Variants in MACF1 observed in about 807,000 individuals in gnomAD.
MACF1 encodes microtubule-actin cross-linking factor 1.
A neutral mutation model predicts 854.8 loss-of-function variants in MACF1; 193 were observed. That is an observed-to-expected ratio of 0.23 (90% CI 0.20 to 0.25). The LOEUF is 0.25. MACF1 is among the 10% of genes least tolerant of loss of function. The probability of loss-of-function intolerance (pLI) is 1.00; values close to 1 mark genes in which losing one functional copy is unlikely to be tolerated. For missense variants in MACF1, 7,722 were observed against 8,929.1 expected, an observed-to-expected ratio of 0.86 and a Z score of 5.45; for synonymous variants, 3,185 against 3,226.7, an observed-to-expected ratio of 0.99 and a Z score of 0.44.
At chr1:39,209,945 C>T (rs759795350) in intron 1 of MACF1, among the ~76,000 whole-genome samples, 1 of 152,010 alleles carries the variant, frequency 6.6e-6, no homozygotes, top group East Asian at 1.9e-4. Context: ...AAAAAATTAG[C>T]TGGGTGTGGT....
At chr1:39,207,560 G>A (rs747382473) in intron 1 of MACF1, among the ~76,000 whole-genome samples, 1 of 152,040 alleles carries the variant, frequency 6.6e-6, no homozygotes, top group Non-Finnish European at 1.5e-5. Context: ...GATTATAGGT[G>A]TGAGCCACCG....
chr1:39,203,964 A>G (rs1311846871), upstream of MACF1, among the ~76,000 whole-genome samples: 1 of 152,020 alleles, frequency 6.6e-6, no homozygotes, highest in Non-Finnish European at 1.5e-5. Flanking sequence ...GATACCTAGG[A>G]GTGAGATTGC....
At chr1:39,377,091 A>G (rs1391295243) in intron 52 of MACF1, among the ~76,000 whole-genome samples, 1 of 151,792 alleles carries the variant, frequency 6.6e-6, no homozygotes, top group Non-Finnish European at 1.5e-5. Flanking sequence ...GCTCACTGCA[A>G]CCTCTGCCTC....
At chr1:39,097,490 G>A (rs969220926) in intron 2 of MACF1, among the ~76,000 whole-genome samples, 22 of 152,126 alleles carry the variant, frequency 1.4e-4, no homozygotes, top group African/African-American at 5.1e-4. Context: ...AGGAGGCCAA[G>A]GTGGGTGGAT....
In MACF1 at chr1:39,287,284, AG is replaced by A; in HGVS notation, c.1510del. On this transcript the variant is annotated splice_acceptor_variant, in intron 14 of 100. Transcript: ENST00000564288. LOFTEE classifies it high-confidence loss of function. ...TTCCTTTTTTCTCTTCTTCCATTTC[AG>A]GGTCATGCGTCTTCAGGATGAGCTG... 1 of 1,612,412 alleles carries A rather than the reference AG, an allele frequency of 6.2e-7. No homozygotes were observed. The highest frequency in any genetic ancestry group is 8.5e-7 in the Non-Finnish European group (1 of 1,178,684).
At chr1:39,346,615 G>C (rs1193902222) in intron 40 of MACF1, among the ~76,000 whole-genome samples, 2 of 151,212 alleles carry the variant, frequency 1.3e-5, no homozygotes, top group Admixed American at 1.3e-4. Context: ...TGCCTCCCGG[G>C]TTCACGCCAT....
At chr1:39,118,958 G>A (rs993490198) in intron 2 of MACF1, among the ~76,000 whole-genome samples, 1 of 152,074 alleles carries the variant, frequency 6.6e-6, no homozygotes, top group Non-Finnish European at 1.5e-5. Flanking sequence ...TGATGATATG[G>A]AAAGTTAAAT....
At chr1:39,289,667 CA>C in intron 15 of MACF1, among the ~76,000 whole-genome samples, 1 of 107,024 alleles carries the variant, frequency 9.3e-6, no homozygotes, top group African/African-American at 3.4e-5. Context: ...AGTTTGCAAA[CA>C]TTTTCTCCCA....
intron 79 of MACF1, 38 bp from the exon 80 acceptor site, chr1:39,444,624 A>C (rs759734918): frequency 1.3e-5 from 20 of 1,574,932 alleles, no homozygotes; most frequent in Non-Finnish European, 1.6e-5. Flanking sequence ...CTTCCAGAGA[A>C]TTCGTAGAAT....
intron 35 of MACF1, among the ~76,000 whole-genome samples, chr1:39,325,697 T>G (rs938354368): frequency 6.6e-6 from 1 of 152,012 alleles, no homozygotes; most frequent in Non-Finnish European, 1.5e-5. Context: ...TTTTCTGAGG[T>G]GGAGATGAGG....
intron 97 of MACF1, among the ~76,000 whole-genome samples, chr1:39,476,618 A>G (rs1644889030): frequency 6.6e-6 from 1 of 152,180 alleles, no homozygotes; most frequent in Non-Finnish European, 1.5e-5. Context: ...AATATCGTGG[A>G]TACATGCAAA....
At position 39,303,086 on chromosome 1, in the gene MACF1, G is replaced by A; in HGVS notation, c.2789+8G>A. On this transcript the variant is annotated splice_region_variant and intron_variant, in intron 23 of 100. Coordinates refer to ENST00000564288, the MANE Select transcript of MACF1 (RefSeq NM_001394062.1). ...CATTGAGATGGCCAGCAGGTAACTT[G>A]GCTCAGCTGCCACTGGTACACCCAC... The A allele has an allele frequency of 1.9e-6, 3 of 1,613,082 alleles. No homozygotes were observed. Among genetic ancestry groups the A allele is most frequent in the Non-Finnish European group, 1.7e-6 (2 of 1,179,440 alleles).
rs543434528 is a variant in MACF1 at position 39,465,599 on chromosome 1, C to T, written c.21771+487C>T. ...GTGTAGTGTGGAGATCGTAATTGGCCGTGGCCTGAAGTATGCTGATTATGG... is the reference window on the plus strand; with the variant it reads ...GTGTAGTGTGGAGATCGTAATTGGCTGTGGCCTGAAGTATGCTGATTATGG... On this transcript the variant is annotated intron_variant, in intron 95 of 100. Transcript: ENST00000564288. Among the ~76,000 whole-genome samples the T allele has an allele frequency of 2.2e-4, 34 of 152,106 alleles. No homozygotes were observed. In the South Asian group the frequency reaches 6.9e-3, roughly 31 times the overall value.
At chr1:39,383,071 A>G (rs940934337) in intron 56 of MACF1, among the ~76,000 whole-genome samples, 5 of 152,214 alleles carry the variant, frequency 3.3e-5, no homozygotes, top group African/African-American at 1.2e-4. Flanking sequence ...CCATGAGCCA[A>G]GATGGTGCCA....
chr1:39,477,045 GTATATATATATATA>G lies in MACF1; in HGVS notation c.21959-2720_21959-2707del, dbSNP rs745911075. Among the ~76,000 whole-genome samples the G allele has an allele frequency of 8.8e-3, 560 of 63,752 alleles. 20 individuals carry two copies. The highest frequency in any genetic ancestry group is 0.025 in the South Asian group (37 of 1,502). 41.8% of individuals were successfully genotyped at this position (63,752 alleles called of 152,430 possible). On this transcript the variant is annotated intron_variant, in intron 97 of 100. Transcript: ENST00000564288. ...ATACACACACATATATACACTTAGT[GTATATATATATATA>G]TATATATATATATATATATATATAT...
chr1:39,337,074 T>C (rs1473618765), intron 37 of MACF1, 108 bp from the exon 38 acceptor site: 3 of 945,624 alleles, frequency 3.2e-6, no homozygotes, highest in Non-Finnish European at 4.8e-6. Context: ...TCCCACTCTA[T>C]GTGCAGTAAA....
At chr1:39,392,969 T>G (rs546052967) in intron 58 of MACF1, among the ~76,000 whole-genome samples, 1 of 151,990 alleles carries the variant, frequency 6.6e-6, no homozygotes, top group Admixed American at 6.6e-5. Flanking sequence ...TAGAAATCAC[T>G]AATGAGAGGA....
chr1:39,308,066 A>G (rs371041695), intron 23 of MACF1, among the ~76,000 whole-genome samples: 3 of 150,714 alleles, frequency 2.0e-5, no homozygotes, highest in African/African-American at 7.3e-5. Flanking sequence ...CACCACGCCT[A>G]GCTAATTTTT....
chr1:39,115,275 C>T (rs1481177476), intron 2 of MACF1, among the ~76,000 whole-genome samples: 1 of 151,962 alleles, frequency 6.6e-6, no homozygotes, highest in Admixed American at 6.6e-5. Context: ...GGAATTTAGG[C>T]AGGGAGTGAA....
Sources: gnomAD v4.1 joint callset for allele counts (sites outside exome capture counted in the v4.1 genomes callset) on GRCh38, gnomAD v4.1.1 for gene constraint, MANE v1.5 for transcripts, NCBI Gene and HGNC (gene_info 2026-07-23, HGNC 2026-07-21) for gene names.